Variants in NKAIN3 observed in about 807,000 individuals in gnomAD.
The protein encoded by NKAIN3 is sodium/potassium-transporting ATPase subunit beta-1-interacting protein 3.
A neutral mutation model predicts 30.2 loss-of-function variants in NKAIN3; 25 were observed. That is an observed-to-expected ratio of 0.83 (90% CI 0.60 to 1.16). The LOEUF is 1.16. Ranked by LOEUF, NKAIN3 falls within the 50% of genes most tolerant of loss-of-function variation. NKAIN3 has a pLI of 0.00. For missense variants in NKAIN3, 225 were observed against 254.1 expected (o/e 0.89, Z 0.78); for synonymous variants, 91 against 89.6 (o/e 1.02, Z -0.09).
At chr8:62,604,425 A>G (rs1375514841) in intron 3 of NKAIN3, among the ~76,000 whole-genome samples, 1 of 152,168 alleles carries the variant, frequency 6.6e-6, no homozygotes, top group Non-Finnish European at 1.5e-5. Context: ...TGTTAAAATC[A>G]GTATATTGAA....
intron 4 of NKAIN3, among the ~76,000 whole-genome samples, chr8:62,901,150 A>G (rs547100216): frequency 5.3e-5 from 8 of 152,320 alleles, no homozygotes; most frequent in Admixed American, 4.6e-4. Flanking sequence ...CCATTTTGCC[A>G]AGACCATAGG....
At chr8:62,386,685 G>C (rs534488220) in intron 1 of NKAIN3, among the ~76,000 whole-genome samples, 39 of 152,240 alleles carry the variant, frequency 2.6e-4, no homozygotes, top group African/African-American at 8.9e-4. Flanking sequence ...ATTAGAATGG[G>C]TGACATGGTA....
At chr8:62,901,897 C>T (rs1264093532) in intron 4 of NKAIN3, among the ~76,000 whole-genome samples, 9 of 152,210 alleles carry the variant, frequency 5.9e-5, no homozygotes, top group African/African-American at 1.9e-4. Context: ...GGAGCAGCAC[C>T]TGCAACAGAA....
intron 3 of NKAIN3, among the ~76,000 whole-genome samples, chr8:62,705,435 G>A (rs1814487677): frequency 6.6e-6 from 1 of 152,140 alleles, no homozygotes; most frequent in Non-Finnish European, 1.5e-5. Context: ...CCGGGGAAGC[G>A]GGGCTCTTTA....
chr8:62,593,625 A>G (rs998357688), intron 3 of NKAIN3, among the ~76,000 whole-genome samples: 3 of 152,090 alleles, frequency 2.0e-5, no homozygotes, highest in Non-Finnish European at 4.4e-5. Flanking sequence ...AGAAATTAAA[A>G]GATTAATAGA....
chr8:62,728,404 T>G (rs1262986170), intron 3 of NKAIN3, among the ~76,000 whole-genome samples: 1 of 152,224 alleles, frequency 6.6e-6, no homozygotes, highest in African/African-American at 2.4e-5. Context: ...GGCTCACACC[T>G]GTAATCCCAG....
chr8:62,720,669 C>G (rs2130516976), intron 3 of NKAIN3, among the ~76,000 whole-genome samples: 1 of 152,230 alleles, frequency 6.6e-6, no homozygotes, highest in South Asian at 2.1e-4. Context: ...GCATATTCTC[C>G]AAAGGCAATG....
intron 4 of NKAIN3, among the ~76,000 whole-genome samples, chr8:62,861,633 A>T (rs1163989740): frequency 6.6e-6 from 1 of 152,222 alleles, no homozygotes; most frequent in Non-Finnish European, 1.5e-5. Context: ...CCCAAAGCCC[A>T]CCTGTCTTCT....
At chr8:62,794,549 G>A (rs937557049) in intron 4 of NKAIN3, among the ~76,000 whole-genome samples, 3 of 152,114 alleles carry the variant, frequency 2.0e-5, no homozygotes, top group Non-Finnish European at 4.4e-5. Flanking sequence ...AGTGTTTCTT[G>A]AGGTGAGGGG....
chr8:62,540,953 A>C (rs892613272), intron 1 of NKAIN3, among the ~76,000 whole-genome samples: 1 of 152,150 alleles, frequency 6.6e-6, no homozygotes, highest in Non-Finnish European at 1.5e-5. Flanking sequence ...TAATTTCAAA[A>C]TTGTTTTCCC....
chr8:62,494,526 G>A (rs1161666401), intron 1 of NKAIN3, among the ~76,000 whole-genome samples: 1 of 152,204 alleles, frequency 6.6e-6, no homozygotes, highest in Middle Eastern at 3.4e-3. Context: ...GATGATGCTG[G>A]CCTCACAGAA....
intron 1 of NKAIN3, among the ~76,000 whole-genome samples, chr8:62,535,816 G>A (rs1316646330): frequency 6.6e-6 from 1 of 152,048 alleles, no homozygotes; most frequent in African/African-American, 2.4e-5. Context: ...AGAGAATAGG[G>A]TGGGATCCTC....
intron 3 of NKAIN3, 82 bp downstream of exon 3, chr8:62,589,876 TGTGTGTGTGTGTGTG>T (rs1810598223): frequency 6.1e-5 from 2 of 32,794 alleles, no homozygotes. Context: ...ATAGGTATAT[TGTGTGTGTGTGTGTG>T]TGTGTGTGTG....
At chr8:62,584,529 T>A (rs996603265) in intron 2 of NKAIN3, among the ~76,000 whole-genome samples, 1 of 152,214 alleles carries the variant, frequency 6.6e-6, no homozygotes, top group African/African-American at 2.4e-5. Flanking sequence ...TCAAAGCTTA[T>A]GAAAATTGTT....
intron 1 of NKAIN3, among the ~76,000 whole-genome samples, chr8:62,277,982 C>T (rs540718929): frequency 6.6e-6 from 1 of 152,250 alleles, no homozygotes; most frequent in African/African-American, 2.4e-5. Flanking sequence ...CGGAGTACAG[C>T]AGTCTTGCTA....
At chr8:62,758,164 A>G (rs1816516245) in intron 4 of NKAIN3, among the ~76,000 whole-genome samples, 1 of 151,944 alleles carries the variant, frequency 6.6e-6, no homozygotes, top group Non-Finnish European at 1.5e-5. Context: ...AATTCCTGAG[A>G]AACTTTGCTG....
chr8:62,259,766 G>A (rs1232661410), intron 1 of NKAIN3, among the ~76,000 whole-genome samples: 1 of 152,152 alleles, frequency 6.6e-6, no homozygotes, highest in Admixed American at 6.6e-5. Flanking sequence ...TTAAGTTGGA[G>A]AATGTGAAAC....
chr8:62,541,221 G>A (rs1054291361), intron 1 of NKAIN3, among the ~76,000 whole-genome samples: 3 of 152,170 alleles, frequency 2.0e-5, no homozygotes, highest in Non-Finnish European at 4.4e-5. Flanking sequence ...GTAGGCTGAG[G>A]CAGGAGAACT....
chr8:62,345,728 C>T (rs1815983319), intron 1 of NKAIN3, among the ~76,000 whole-genome samples: 1 of 151,396 alleles, frequency 6.6e-6, no homozygotes. Flanking sequence ...GACAGCTTGA[C>T]TTCTTTCTTT....
Sources: allele counts gnomAD v4.1 joint callset (sites outside exome capture counted in the v4.1 genomes callset), GRCh38; gene constraint gnomAD v4.1.1; transcripts MANE v1.5; gene names NCBI Gene and HGNC (gene_info 2026-07-23, HGNC 2026-07-21).